Variants in PDSS1 observed in about 807,000 individuals in gnomAD.
The protein encoded by PDSS1 is all trans-polyprenyl-diphosphate synthase PDSS1.
A neutral mutation model predicts 57.5 loss-of-function variants in PDSS1; 43 were observed. That is an observed-to-expected ratio of 0.75 (90% CI 0.59 to 0.96). The LOEUF is 0.96. Ranked by LOEUF, PDSS1 falls within the 50% of genes least tolerant of loss-of-function variation. The pLI, the probability that PDSS1 is intolerant of heterozygous loss-of-function variation, is 0.00. For synonymous variants in PDSS1, 175 were observed against 191.3 expected (o/e 0.91, Z 0.70); for missense variants, 438 against 527.8 (o/e 0.83, Z 1.67).
intron 4 of PDSS1, 79 bp downstream of exon 4, chr10:26,705,473 A>G: frequency 3.4e-6 from 2 of 582,464 alleles, no homozygotes; most frequent in Non-Finnish European, 5.8e-6. Context: ...TTTTATTCTT[A>G]TAATTATTAT....
At chr10:26,704,344 T>A (rs753446471) in intron 2 of PDSS1, among the ~76,000 whole-genome samples, 23 of 152,134 alleles carry the variant, frequency 1.5e-4, no homozygotes, top group Non-Finnish European at 2.9e-4. Context: ...TTTTTTCCTC[T>A]GACCAATCTT....
At chr10:26,713,979 T>C (rs1210621096) in intron 5 of PDSS1, among the ~76,000 whole-genome samples, 1 of 152,116 alleles carries the variant, frequency 6.6e-6, no homozygotes, top group East Asian at 1.9e-4. Context: ...TGTTTCAGGC[T>C]GTTGATTCCA....
In PDSS1 at chr10:26,746,756, G is replaced by A; in HGVS notation, c.*283G>A. The A allele has an allele frequency of 2.3e-6, 1 of 443,034 alleles. No individual in the cohort carries two copies. Among genetic ancestry groups the A allele is most frequent in the South Asian group, 2.3e-5 (1 of 44,396 alleles). 27.4% of individuals were successfully genotyped at this position (443,034 alleles called of 1,614,324 possible). ...TTGTTTACACTGTTAATATCCACAT[G>A]TAAGGCCATTACACAAATAAATAAC... On this transcript the variant is annotated 3_prime_UTR_variant, in exon 12 of 12. Transcript: ENST00000376215.
intron 5 of PDSS1, chr10:26,714,836 GAC>G (rs1238646885): frequency 6.6e-6 from 1 of 152,224 alleles, no homozygotes; most frequent in African/African-American, 2.4e-5. Context: ...CAAATTATTA[GAC>G]ACAGTTTTCA....
chr10:26,732,834 T>G (rs1836259397), intron 8 of PDSS1, among the ~76,000 whole-genome samples: 1 of 152,158 alleles, frequency 6.6e-6, no homozygotes, highest in Non-Finnish European at 1.5e-5. Flanking sequence ...ACTAACAGAT[T>G]TTTAGGCCGG....
chr10:26,734,610 C>T (rs915004354), intron 8 of PDSS1: 2 of 451,256 alleles, frequency 4.4e-6, no homozygotes, highest in African/African-American at 4.0e-5. Flanking sequence ...AATGTGGAAA[C>T]AGTGGGACCA....
chr10:26,719,175 A>C (rs1286233601), intron 5 of PDSS1, among the ~76,000 whole-genome samples: 1 of 152,192 alleles, frequency 6.6e-6, no homozygotes, highest in Non-Finnish European at 1.5e-5. Flanking sequence ...TGTTTAAATG[A>C]GGATATGTTT....
intron 8 of PDSS1, among the ~76,000 whole-genome samples, chr10:26,724,648 G>A (rs1222737985): frequency 6.6e-6 from 1 of 152,014 alleles, no homozygotes; most frequent in Non-Finnish European, 1.5e-5. Flanking sequence ...TGTGATCTTG[G>A]CTCACTACAA....
chr10:26,746,518 C>G lies in PDSS1; in HGVS notation c.*45C>G. On this transcript the variant is annotated 3_prime_UTR_variant, in exon 12 of 12. Transcript: ENST00000376215. Reference sequence around the variant, plus strand: ...TGGCAGCTATCTTACCAGACTGTGCCTAAAGAATTTTGTGGAATACACTTT... The same window carrying G: ...TGGCAGCTATCTTACCAGACTGTGCGTAAAGAATTTTGTGGAATACACTTT... 6.2e-7 allele frequency: 1 copy of G among 1,605,694 alleles called. No individual in the cohort carries two copies.
intron 8 of PDSS1, among the ~76,000 whole-genome samples, chr10:26,727,061 A>T (rs1177945245): frequency 2.3e-5 from 2 of 85,788 alleles, no homozygotes; most frequent in Non-Finnish European, 5.3e-5. Context: ...GAGTCTCTCA[A>T]AAAAAAAACA....
intron 8 of PDSS1, among the ~76,000 whole-genome samples, chr10:26,727,216 G>A (rs1260085350): frequency 6.6e-6 from 1 of 152,160 alleles, no homozygotes; most frequent in Non-Finnish European, 1.5e-5. Flanking sequence ...GAAATCTGGT[G>A]GAAATGAGAC....
At chr10:26,723,757 C>A in intron 6 of PDSS1, 49 bp from the exon 7 acceptor site, 1 of 1,275,816 alleles carries the variant, frequency 7.8e-7, no homozygotes, top group Non-Finnish European at 1.1e-6. Flanking sequence ...GGCTCTACTG[C>A]TCTGATGGAT....
At chr10:26,730,268 G>A (rs574616720) in intron 8 of PDSS1, among the ~76,000 whole-genome samples, 3 of 151,968 alleles carry the variant, frequency 2.0e-5, no homozygotes, top group Non-Finnish European at 2.9e-5. Context: ...TGCTGATTTC[G>A]TGTTTTGGTT....
chr10:26,705,728 C>T (rs1835190625), intron 4 of PDSS1, among the ~76,000 whole-genome samples: 1 of 152,138 alleles, frequency 6.6e-6, no homozygotes, highest in South Asian at 2.1e-4. Flanking sequence ...CCCACCTTGG[C>T]CTCCCAAAGT....
At chr10:26,740,263 T>C (rs943442117) in intron 10 of PDSS1, among the ~76,000 whole-genome samples, 3 of 152,138 alleles carry the variant, frequency 2.0e-5, no homozygotes, top group African/African-American at 4.8e-5. Context: ...TGAGCTACGA[T>C]TGCACCACTG....
Position 26,704,060 on chromosome 10 carries a change from C to T in PDSS1, c.163-617C>T, listed in dbSNP as rs539472812. Reference sequence around the variant, plus strand: ...TAGCGCCACTGCACTCCAGCCTGGACGACAGAACGAGACTCCGTCTCACAA... The same window carrying T: ...TAGCGCCACTGCACTCCAGCCTGGATGACAGAACGAGACTCCGTCTCACAA... On this transcript the variant is annotated intron_variant, in intron 2 of 11. Coordinates refer to ENST00000376215, the MANE Select transcript of PDSS1 (RefSeq NM_014317.5). 4.7e-4 allele frequency among the ~76,000 whole-genome samples: 35 copies of T among 74,202 alleles called. 1 individual carries two copies. In the South Asian group the frequency reaches 0.016, roughly 33 times the overall value. 48.7% of individuals were successfully genotyped at this position (74,202 alleles called of 152,430 possible). A position where few individuals can be genotyped will look rare whatever the true frequency, so the allele number is the denominator to read the frequency against.
chr10:26,741,211 G>A (rs187581050), intron 10 of PDSS1, among the ~76,000 whole-genome samples: 14 of 152,232 alleles, frequency 9.2e-5, no homozygotes, highest in East Asian at 1.9e-4. Flanking sequence ...CAGGCCAGGC[G>A]CGGTGGCTCA....
intron 6 of PDSS1, among the ~76,000 whole-genome samples, chr10:26,723,604 T>C (rs998748594): frequency 6.6e-6 from 1 of 152,186 alleles, no homozygotes; most frequent in African/African-American, 2.4e-5. Flanking sequence ...TGGTCATCTC[T>C]GAGAGCCAGT....
intron 5 of PDSS1, among the ~76,000 whole-genome samples, chr10:26,714,351 A>G (rs1204357644): frequency 6.6e-6 from 1 of 151,858 alleles, no homozygotes; most frequent in Non-Finnish European, 1.5e-5. Flanking sequence ...ACACACACCT[A>G]TAAATCCCAG....
Sources: gnomAD v4.1 joint callset for allele counts (sites outside exome capture counted in the v4.1 genomes callset) on GRCh38, gnomAD v4.1.1 for gene constraint, MANE v1.5 for transcripts, NCBI Gene and HGNC (gene_info 2026-07-23, HGNC 2026-07-21) for gene names.